Variants in KCNC3 observed in about 807,000 individuals in gnomAD.
The protein encoded by KCNC3 is voltage-gated potassium channel KCNC3.
A neutral mutation model predicts 43.9 loss-of-function variants in KCNC3; 22 were observed. The observed-to-expected ratio is 0.50, with a 90% CI of 0.36 to 0.72. The LOEUF is 0.72. Ranked by LOEUF, KCNC3 falls within the 30% of genes least tolerant of loss-of-function variation. KCNC3 has a pLI of 0.00. For synonymous variants in KCNC3, 492 were observed against 488.0 expected (o/e 1.01, Z -0.11); for missense variants, 829 against 1,073.8 (o/e 0.77, Z 3.19).
Position 50,328,222 on chromosome 19 carries a change from C to A in KCNC3, c.861G>T (p.Arg287=). ...WALFEDPYSS[R]AARYVAFASL... ...CCGAGAGCGCGCTCACCCTGGCAGC[C>A]CGCGACGAGTAGGGGTCCTCGAAGA... Residue 287 remains arginine (R), a synonymous_variant, in exon 1 of 5, where the codon CGG becomes CGT. Coordinates refer to ENST00000477616, the MANE Select transcript of KCNC3 (RefSeq NM_004977.3). 1 of 1,195,228 alleles carries A rather than the reference C, an allele frequency of 8.4e-7. No individual in the cohort carries two copies. Among genetic ancestry groups the A allele is most frequent in the Non-Finnish European group, 1.0e-6 (1 of 964,622 alleles). The allele number at this position is 1,195,228 out of a possible 1,614,324, so 74.0% of individuals were successfully genotyped here.
intron 4 of KCNC3, among the ~76,000 whole-genome samples, chr19:50,317,889 T>C (rs1391396858): frequency 6.6e-6 from 1 of 151,882 alleles, no homozygotes; most frequent in Non-Finnish European, 1.5e-5. Context: ...CCTCCCAGAC[T>C]CCTGGGCTCA....
Position 50,323,444 on chromosome 19 carries a change from G to C in KCNC3, c.1509C>G (p.Thr503=). 2 of 1,614,194 alleles carry C rather than the reference G, an allele frequency of 1.2e-6. No homozygotes were observed. The highest frequency in any genetic ancestry group is 2.7e-5 in the African/African-American group (2 of 75,062). ...GFWWAVVTMT[T]LGYGDMYPKT... ...TGGGGTACATGTCTCCATAGCCCAG[G>C]GTCGTCATGGTGACCACAGCCCACC... The change falls in exon 2 of 5, where the codon ACC becomes ACG. Residue 503 remains threonine (T), a synonymous_variant. Transcript: ENST00000477616.
At position 50,312,028 on chromosome 19, in the gene KCNC3, A is replaced by T. The variant is rs1199959574; in HGVS notation, c.*4087T>A. 6.6e-6 allele frequency: 1 copy of T among 151,084 alleles called. No individual in the cohort carries two copies. The highest frequency in any genetic ancestry group is 6.6e-5 in the Admixed American group (1 of 15,160). The allele number at this position is 151,084 out of a possible 1,614,324, so 9.4% of individuals were successfully genotyped here. A position where few individuals can be genotyped will look rare whatever the true frequency, so the allele number is the denominator to read the frequency against. ...CTTTTTCTTTGGGGAGAGGGGGGTG[A>T]CATGCGGCAGCTTCTGCATTGGGCG... On this transcript the variant is annotated 3_prime_UTR_variant, in exon 5 of 5. Coordinates refer to ENST00000477616, the MANE Select transcript of KCNC3 (RefSeq NM_004977.3).
In KCNC3 at chr19:50,314,726, C is replaced by G; in HGVS notation, c.*1389G>C. On this transcript the variant is annotated 3_prime_UTR_variant, in exon 5 of 5. Transcript: ENST00000477616. Reference sequence around the variant, plus strand: ...CGGGGGTGTCTGCTGGCATCGTCATCTCGGTTGCATATTATTAATGACTTT... The same window carrying G: ...CGGGGGTGTCTGCTGGCATCGTCATGTCGGTTGCATATTATTAATGACTTT... The G allele has an allele frequency of 2.3e-6, 1 of 442,598 alleles. No individual in the cohort carries two copies. The highest frequency in any genetic ancestry group is 1.6e-5 in the South Asian group (1 of 63,840). The allele number at this position is 442,598 out of a possible 1,614,324, so 27.4% of individuals were successfully genotyped here. A position where few individuals can be genotyped will look rare whatever the true frequency, so the allele number is the denominator to read the frequency against.
rs1286114997 is a variant in KCNC3 at position 50,323,480 on chromosome 19, G to A, written c.1473C>T (p.Pro491=). The A allele has an allele frequency of 6.2e-7, 1 of 1,614,092 alleles. No individual in the cohort carries two copies. The highest frequency in any genetic ancestry group is 8.5e-7 in the Non-Finnish European group (1 of 1,180,040). Residue 491 remains proline, a synonymous_variant, in exon 2 of 5, where the codon CCC becomes CCT. Transcript: ENST00000477616. The part of the protein sequence containing the change: ...GSNHTYFKNI[P]IGFWWAVVTM... ...TGACCACAGCCCACCAGAAGCCAAT[G>A]GGGATGTTCTTGAAGTAGGTGTGGT...
chr19:50,329,068 G>C lies in KCNC3; in HGVS notation c.15C>G (p.Val5=), dbSNP rs1411723160. ...GGCGCCCGCGGAAGGACGAGACGCA[G>C]ACTGAGCTCAGCATTGGACGGGGGG... The part of the protein sequence containing the change: MLSS[V]CVSSFRGRQG... The change falls in exon 1 of 5, where the codon GTC becomes GTG. Residue 5 remains valine (V), a synonymous_variant. Transcript: ENST00000477616. The C allele has an allele frequency of 3.2e-6, 4 of 1,264,926 alleles. No homozygotes were observed. The South Asian group carries it at 5.7e-5, about 18-fold the overall frequency. 78.4% of individuals were successfully genotyped at this position (1,264,926 alleles called of 1,614,324 possible).
chr19:50,320,252 G>C lies in KCNC3; in HGVS notation c.2268C>G (p.Ser756=). The change falls in exon 4 of 5, where the codon TCC becomes TCG. Residue 756 remains serine, a synonymous_variant. Transcript: ENST00000477616. Reference sequence around the variant, plus strand: ...GGGGGAGGGGGTTCGTCCACTAGGGGGATATCCAGGCCGCGGCGTTGGCGT... The same window carrying C: ...GGGGGAGGGGGTTCGTCCACTAGGGCGATATCCAGGCCGCGGCGTTGGCGT... ...DLNANAAAWI[S]P is the part of the protein sequence containing the mutation. 2 of 940,196 alleles carry C rather than the reference G, an allele frequency of 2.1e-6. No homozygotes were observed. The highest frequency in any genetic ancestry group is 1.4e-6 in the Non-Finnish European group (1 of 698,738). 58.2% of individuals were successfully genotyped at this position (940,196 alleles called of 1,614,324 possible). A position where few individuals can be genotyped will look rare whatever the true frequency, so the allele number is the denominator to read the frequency against.
rs1281360214 is a variant in KCNC3, at chr19:50,315,522, G to A, written c.*593C>T. 1.3e-5 allele frequency: 2 copies of A among 151,700 alleles called. No individual in the cohort carries two copies. The highest frequency in any genetic ancestry group is 6.6e-5 in the Admixed American group (1 of 15,192). The allele number at this position is 151,700 out of a possible 1,614,324, so 9.4% of individuals were successfully genotyped here. On this transcript the variant is annotated 3_prime_UTR_variant, in exon 5 of 5. Transcript: ENST00000477616. ...CAGGGAACGGTGCGGCCGCCGTAGC[G>A]GGGCTGGGGGCTGACCTAGTTGTAG... is the stretch of plus-strand genomic sequence containing the variant.
chr19:50,317,213 TTACA>T (rs2036968102), intron 4 of KCNC3, among the ~76,000 whole-genome samples: 1 of 137,854 alleles, frequency 7.3e-6, no homozygotes, highest in African/African-American at 2.6e-5. Flanking sequence ...GACGGGGAGG[TTACA>T]AAAAGGAGAG....
Position 50,323,282 on chromosome 19 carries a change from C to G in KCNC3, c.1671G>C (p.Lys557Asn). Residue 557 changes from lysine (K) to asparagine (N), a missense_variant, in exon 2 of 5, where the codon AAG becomes AAC. Physicochemically the swap from Lys to Asn is moderately conservative, Grantham distance 94 (BLOSUM62 0). This residue lies in a region of KCNC3 where 308 missense variants were observed against 276.2 expected (regional missense o/e 1.11). Coordinates refer to ENST00000477616, the MANE Select transcript of KCNC3 (RefSeq NM_004977.3). Reference protein sequence around the residue: ...SLAMAKQKLPKKKNKHIPRPP... With the variant: ...SLAMAKQKLPNKKNKHIPRPP... ...GCCGGGGGATGTGTTTGTTCTTCTT[C>G]TTGGGCAGCTTCTGCTTGGCCATGG... 1 of 1,609,272 alleles carries G rather than the reference C, an allele frequency of 6.2e-7. No individual in the cohort carries two copies. Among genetic ancestry groups the G allele is most frequent in the Non-Finnish European group, 8.5e-7 (1 of 1,179,992 alleles).
intron 4 of KCNC3, among the ~76,000 whole-genome samples, chr19:50,319,822 C>T (rs781542832): frequency 1.3e-5 from 2 of 152,038 alleles, no homozygotes; most frequent in Middle Eastern, 3.2e-3. Flanking sequence ...TGGCTGAATT[C>T]ACAGGGGCAT....
At chr19:50,318,306 C>A (rs1265298885) in intron 4 of KCNC3, among the ~76,000 whole-genome samples, 1 of 152,088 alleles carries the variant, frequency 6.6e-6, no homozygotes, top group Non-Finnish European at 1.5e-5. Context: ...TCCCAAGTAG[C>A]TGGGACTACA....
chr19:50,323,175 C>T lies in KCNC3; in HGVS notation c.1778G>A (p.Gly593Asp). Reference protein sequence around the residue: ...PPPHPHHGSGGISPPPPITPP... With the variant: ...PPPHPHHGSGDISPPPPITPP... ...GGTGATGGGTGGCGGCGGGCTGATG[C>T]CCCCGCTGCCGTGGTGCGGGTGGGG... The change falls in exon 2 of 5, where the codon GGC (glycine) becomes GAC (aspartate). Residue 593 changes from glycine to aspartate, a missense_variant. Physicochemically the swap from Gly to Asp is moderately conservative, Grantham distance 94. This residue lies in a region of KCNC3 where 308 missense variants were observed against 276.2 expected (regional missense o/e 1.11). Transcript: ENST00000477616. The T allele has an allele frequency of 2.0e-6, 3 of 1,527,916 alleles. No homozygotes were observed. The highest frequency in any genetic ancestry group is 2.6e-6 in the Non-Finnish European group (3 of 1,140,032). The allele number at this position is 1,527,916 out of a possible 1,614,324, so 94.6% of individuals were successfully genotyped here.
chr19:50,318,638 T>C (rs2036987762), intron 4 of KCNC3, among the ~76,000 whole-genome samples: 1 of 152,204 alleles, frequency 6.6e-6, no homozygotes, highest in South Asian at 2.1e-4. Context: ...AATAAAGCTT[T>C]GTTTACAAAA....
rs1278065204 is a variant in KCNC3 at position 50,323,578 on chromosome 19, C to A, written c.1375G>T (p.Val459Leu). The A allele has an allele frequency of 1.2e-6, 2 of 1,614,198 alleles. No homozygotes were observed. Among genetic ancestry groups the A allele is most frequent in the Admixed American group, 1.7e-5 (1 of 60,032 alleles). The change falls in exon 2 of 5, where the codon GTG becomes TTG. Residue 459 changes from valine to leucine, a missense_variant. By Grantham distance (32) the Val-to-Leu change is conservative. This residue lies in a region of KCNC3 where 157 missense variants were observed against 293.5 expected (regional missense o/e 0.53). Transcript: ENST00000477616. ...TAAATCATGGTGGCGAAGATGAGCA[C>A]CCCCAGGGCCAGGAAGATGATGAGC... is the stretch of plus-strand genomic sequence containing the variant. ...LLLIIFLALG[V>L]LIFATMIYYA...
rs758088145 is a variant in KCNC3 at position 50,323,922 on chromosome 19, G to A, written c.1031C>T (p.Thr344Met). 6.8e-6 allele frequency: 11 copies of A among 1,614,208 alleles called. No homozygotes were observed. The highest frequency in any genetic ancestry group is 4.4e-5 in the South Asian group (4 of 91,080). ...PENITNVEVETEPFLTYVEGV... is the reference protein window; with the variant it reads ...PENITNVEVEMEPFLTYVEGV... ...CTCCACGTAGGTCAGGAAGGGCTCC[G>A]TCTCCACCTCCACGTTGGTGATGTT... is the stretch of plus-strand genomic sequence containing the variant. The change falls in exon 2 of 5, where the codon ACG becomes ATG. Residue 344 changes from threonine to methionine, a missense_variant. Transcript: ENST00000477616.
At position 50,324,466 on chromosome 19, in the gene KCNC3, C is replaced by A. The variant is rs140248529; in HGVS notation, c.871-384G>T. 1.8e-4 allele frequency among the ~76,000 whole-genome samples: 27 copies of A among 152,100 alleles called. No homozygotes were observed. The highest frequency in any genetic ancestry group is 5.3e-4 in the African/African-American group (22 of 41,416). On this transcript the variant is annotated intron_variant, in intron 1 of 4. Coordinates refer to ENST00000477616, the MANE Select transcript of KCNC3 (RefSeq NM_004977.3). This position sits in a 1 kb window ranked among gnomAD's most constrained non-coding sequence, Gnocchi z 4.1. ...ACGGGTTCTGCTGTGGGACGGGAGC[C>A]GCCAGGCCTAAGATCACACATCCTG...
intron 1 of KCNC3, among the ~76,000 whole-genome samples, chr19:50,325,315 G>A (rs1172662025): frequency 6.6e-6 from 1 of 152,200 alleles, no homozygotes; most frequent in Non-Finnish European, 1.5e-5. Context: ...GGGTAGTGGA[G>A]GAGGGAGGGC....
At chr19:50,322,910 C>A in intron 2 of KCNC3, 65 bp downstream of exon 2, 3 of 1,494,852 alleles carry the variant, frequency 2.0e-6, no homozygotes, top group Non-Finnish European at 2.7e-6. Context: ...TGAACCCCGG[C>A]AGCTACCTCC....
Sources: allele counts gnomAD v4.1 joint callset (sites outside exome capture counted in the v4.1 genomes callset), GRCh38; gene constraint gnomAD v4.1.1; regional missense constraint gnomAD v4.1.1; non-coding constraint Gnocchi (gnomAD v3.1); transcripts MANE v1.5; gene names NCBI Gene and HGNC (gene_info 2026-07-23, HGNC 2026-07-21).